The following OR1D2 variants were observed in gnomAD, a reference collection of about 807,000 sequenced individuals.
The protein encoded by OR1D2 is olfactory receptor family 1 subfamily D member 2.
For missense variants in OR1D2, 357 were observed against 376.1 expected, an observed-to-expected ratio of 0.95 and a Z score of 0.42; for synonymous variants, 157 against 153.9, an observed-to-expected ratio of 1.02 and a Z score of -0.15.
chr17:3,098,718 T>C (rs370656124), intron 1 of OR1D2, among the ~76,000 whole-genome samples: 1 of 152,046 alleles, frequency 6.6e-6, no homozygotes, highest in Non-Finnish European at 1.5e-5. Context: ...AGATGGGTAA[T>C]AACAAACTCC....
chr17:3,093,922 A>G (rs2047829752), intron 1 of OR1D2, among the ~76,000 whole-genome samples: 1 of 152,230 alleles, frequency 6.6e-6, no homozygotes, highest in African/African-American at 2.4e-5. Flanking sequence ...CAAAATTATA[A>G]CAGGGTTTTG....
Position 3,092,136 on chromosome 17 carries a change from G to C in OR1D2, c.861C>G (p.Phe287Leu). 1 of 1,614,152 alleles carries C rather than the reference G, an allele frequency of 6.2e-7. No homozygotes were observed. Among genetic ancestry groups the C allele is most frequent in the Non-Finnish European group, 8.5e-7 (1 of 1,180,002 alleles). Reference sequence around the variant, plus strand: ...TGTCCTTGTTCCTCAGGCTGTAGATGAAGGGATTCATCATGGGTGTCACCA... The same window carrying C: ...TGTCCTTGTTCCTCAGGCTGTAGATCAAGGGATTCATCATGGGTGTCACCA... ...YAVVTPMMNPFIYSLRNKDMH... is the reference protein window; with the variant it reads ...YAVVTPMMNPLIYSLRNKDMH... Residue 287 changes from phenylalanine to leucine, a missense_variant, in exon 2 of 2, where the codon TTC becomes TTG. Phe to Leu is a conservative substitution (Grantham distance 22). Coordinates refer to ENST00000641833, the MANE Select transcript of OR1D2 (RefSeq NM_002548.3).
Position 3,090,990 on chromosome 17 carries a change from A to G in OR1D2, c.*1068T>C, listed in dbSNP as rs2047803849. The G allele has an allele frequency of 6.6e-6, 1 of 152,052 alleles. No homozygotes were observed. The highest frequency in any genetic ancestry group is 3.1e-3 in the Middle Eastern group (1 of 318). The allele number at this position is 152,052 out of a possible 1,614,324, so 9.4% of individuals were successfully genotyped here. Reference sequence around the variant, plus strand: ...TTTTACTTATGGAAGAACTCATGAGATGAGGGGATCTCTCTTTGTGCTACT... The same window carrying G: ...TTTTACTTATGGAAGAACTCATGAGGTGAGGGGATCTCTCTTTGTGCTACT... On this transcript the variant is annotated 3_prime_UTR_variant, in exon 2 of 2. Coordinates refer to ENST00000641833, the MANE Select transcript of OR1D2 (RefSeq NM_002548.3).
In OR1D2 at chr17:3,092,482, C is replaced by T. The variant is rs767444459; in HGVS notation, c.515G>A (p.Arg172Gln). 1.4e-5 allele frequency: 22 copies of T among 1,613,970 alleles called. No homozygotes were observed. Among genetic ancestry groups the T allele is most frequent in the South Asian group, 7.7e-5 (7 of 91,064 alleles). ...CTCACAGAAGATGTAGTGGATTTTT[C>T]GTGACCCACAGAAGGTCACTCTGGT... is the stretch of plus-strand genomic sequence containing the variant. ...LMTRVTFCGSRKIHYIFCEMY... is the reference protein window; with the variant it reads ...LMTRVTFCGSQKIHYIFCEMY... Residue 172 changes from arginine to glutamine, a missense_variant, in exon 2 of 2, where the codon CGA becomes CAA. Arg to Gln is a conservative substitution (Grantham distance 43). Coordinates refer to ENST00000641833, the MANE Select transcript of OR1D2 (RefSeq NM_002548.3).
At position 3,092,709 on chromosome 17, in the gene OR1D2, C is replaced by A. The variant is rs924311184; in HGVS notation, c.288G>T (p.Gly96=). The part of the protein sequence containing the change: ...QSHNKAISYA[G]CLTQLYFLVS... ...CCAGGAAGTAGAGCTGTGTCAGACA[C>A]CCTGCATAGGAGATGGCTTTGTTAT... The change falls in exon 2 of 2, where the codon GGG becomes GGT. Residue 96 remains glycine (G), a synonymous_variant. Transcript: ENST00000641833. 6.2e-7 allele frequency: 1 copy of A among 1,613,950 alleles called. No homozygotes were observed. The highest frequency in any genetic ancestry group is 1.3e-5 in the African/African-American group (1 of 74,888).
At chr17:3,098,245 C>A (rs1471944184) in intron 1 of OR1D2, among the ~76,000 whole-genome samples, 1 of 152,158 alleles carries the variant, frequency 6.6e-6, no homozygotes, top group Non-Finnish European at 1.5e-5. Flanking sequence ...GGATGTCAGA[C>A]ACCCTATACA....
chr17:3,092,971 C>T lies in OR1D2; in HGVS notation c.26G>A (p.Gly9Asp), dbSNP rs2047824813. The T allele has an allele frequency of 1.9e-6, 3 of 1,613,840 alleles. No individual in the cohort carries two copies. Among genetic ancestry groups the T allele is most frequent in the African/African-American group, 2.7e-5 (2 of 74,858 alleles). MDGGNQSE[G>D]SEFLLLGMSE... ...CATCCCCAGGAGAAGGAACTCTGAA[C>T]CTTCACTCTGGTTGCCTCCATCCAT... Residue 9 changes from glycine to aspartate, a missense_variant, in exon 2 of 2, where the codon GGT becomes GAT. Transcript: ENST00000641833.
intron 1 of OR1D2, among the ~76,000 whole-genome samples, chr17:3,095,746 A>C (rs944511980): frequency 2.6e-5 from 4 of 151,974 alleles, no homozygotes; most frequent in Admixed American, 2.0e-4. Context: ...AACACCATTT[A>C]TGTAAGATAA....
chr17:3,098,503 A>G (rs925981332), intron 1 of OR1D2, among the ~76,000 whole-genome samples: 1 of 151,936 alleles, frequency 6.6e-6, no homozygotes. Flanking sequence ...CCTCACAAAA[A>G]CCCCATCCAA....
intron 1 of OR1D2, among the ~76,000 whole-genome samples, chr17:3,095,228 G>A (rs944564129): frequency 5.7e-4 from 87 of 152,046 alleles, no homozygotes; most frequent in African/African-American, 2.0e-3. Flanking sequence ...AAGGCTGAAA[G>A]GCAGAGACAA....
At chr17:3,103,513 T>C (rs900753378) in intron 1 of OR1D2, among the ~76,000 whole-genome samples, 4 of 152,206 alleles carry the variant, frequency 2.6e-5, no homozygotes, top group Admixed American at 2.0e-4. Context: ...ACTTTCTGAC[T>C]CTCTCTCTTG....
rs1428588380 is a variant in OR1D2 at position 3,090,708 on chromosome 17, T to A, written c.*1350A>T. 1 of 152,298 alleles carries A rather than the reference T, an allele frequency of 6.6e-6. No homozygotes were observed. The highest frequency in any genetic ancestry group is 6.5e-5 in the Admixed American group (1 of 15,280). 9.4% of individuals were successfully genotyped at this position (152,298 alleles called of 1,614,324 possible). A position where few individuals can be genotyped will look rare whatever the true frequency, so the allele number is the denominator to read the frequency against. ...GGCAGGCAGGCCTAGTGCTTGGGGATGTGGGTGGATGGGCCAGCTTCTGGG... is the reference window on the plus strand; with the variant it reads ...GGCAGGCAGGCCTAGTGCTTGGGGAAGTGGGTGGATGGGCCAGCTTCTGGG... On this transcript the variant is annotated 3_prime_UTR_variant, in exon 2 of 2. Transcript: ENST00000641833.
At chr17:3,100,233 TCAGTACCA>T (rs2047868467) in intron 1 of OR1D2, among the ~76,000 whole-genome samples, 1 of 152,170 alleles carries the variant, frequency 6.6e-6, no homozygotes, top group Non-Finnish European at 1.5e-5. Context: ...AAAATTTGTC[TCAGTACCA>T]CATGGCACTT....
chr17:3,097,556 C>T (rs181210608), intron 1 of OR1D2, among the ~76,000 whole-genome samples: 87 of 152,276 alleles, frequency 5.7e-4, no homozygotes, highest in African/African-American at 2.0e-3. Context: ...TCAGAAGATT[C>T]CACTGGTGAA....
intron 1 of OR1D2, among the ~76,000 whole-genome samples, chr17:3,095,084 T>C (rs1431314531): frequency 6.6e-6 from 1 of 150,480 alleles, no homozygotes; most frequent in Non-Finnish European, 1.5e-5. Context: ...GAGAGAAAAA[T>C]CAGAAAAAAA....
At chr17:3,093,515 C>A (rs1339049064) in intron 1 of OR1D2, among the ~76,000 whole-genome samples, 4 of 152,162 alleles carry the variant, frequency 2.6e-5, no homozygotes, top group Non-Finnish European at 5.9e-5. Context: ...TACGCACTGC[C>A]ACTTACTTGC....
rs113431849 is a variant in OR1D2, at chr17:3,093,872, C to T, written c.-50-826G>A. Among the ~76,000 whole-genome samples the T allele has an allele frequency of 7.8e-3, 1,181 of 152,192 alleles. 5 individuals are homozygous for T. The highest frequency in any genetic ancestry group is 0.017 in the Middle Eastern group (5 of 294). On this transcript the variant is annotated intron_variant, in intron 1 of 1. Coordinates refer to ENST00000641833, the MANE Select transcript of OR1D2 (RefSeq NM_002548.3). ...TAATATGAAGAGAAGTGTCACCAAG[C>T]TATATACTCTTTTGAATTAATTGAA...
rs1387285058 is a variant in OR1D2, at chr17:3,090,379, G to A, written c.*1679C>T. 2 of 152,188 alleles carry A rather than the reference G, an allele frequency of 1.3e-5. No individual in the cohort carries two copies. The highest frequency in any genetic ancestry group is 2.9e-5 in the Non-Finnish European group (2 of 68,032). The allele number at this position is 152,188 out of a possible 1,614,324, so 9.4% of individuals were successfully genotyped here. ...CCTGATTTTGTTTAGTAGTTTACCT[G>A]TGTTTTTGTGTGGGTCACCATGTTT... On this transcript the variant is annotated 3_prime_UTR_variant, in exon 2 of 2. Coordinates refer to ENST00000641833, the MANE Select transcript of OR1D2 (RefSeq NM_002548.3).
rs1388455340 is a variant in OR1D2, at chr17:3,090,821, T to C, written c.*1237A>G. The C allele has an allele frequency of 9.9e-6, 1 of 101,056 alleles. No individual in the cohort carries two copies. The highest frequency in any genetic ancestry group is 2.0e-5 in the Non-Finnish European group (1 of 49,756). 6.3% of individuals were successfully genotyped at this position (101,056 alleles called of 1,614,324 possible). A position where few individuals can be genotyped will look rare whatever the true frequency, so the allele number is the denominator to read the frequency against. ...TTAAGAGCTCCCAACCATTTTCTTA[T>C]TTTTTTTTTTTCTTGTTCTTAGCTA... is the stretch of plus-strand genomic sequence containing the variant. On this transcript the variant is annotated 3_prime_UTR_variant, in exon 2 of 2. Coordinates refer to ENST00000641833, the MANE Select transcript of OR1D2 (RefSeq NM_002548.3).
Sources: gnomAD v4.1 joint callset for allele counts (sites outside exome capture counted in the v4.1 genomes callset) on GRCh38, gnomAD v4.1.1 for gene constraint, MANE v1.5 for transcripts, NCBI Gene and HGNC (gene_info 2026-07-23, HGNC 2026-07-21) for gene names.